PPP3CA: variants seen among roughly 807,000 people sequenced by gnomAD.
PPP3CA encodes the protein protein phosphatase 3 catalytic subunit alpha, also known as CAM-PRP catalytic subunit.
In PPP3CA, 14 loss-of-function variants were observed where a neutral mutation model predicts 66.5. The ratio of observed to expected loss-of-function variants is 0.21; its 90% CI spans 0.14 to 0.33. The LOEUF (loss-of-function observed/expected upper bound fraction) is 0.33, where lower values mean the gene tolerates loss of function less well. PPP3CA is among the 10% of genes least tolerant of loss of function. PPP3CA has a pLI of 1.00. For synonymous variants in PPP3CA, 232 were observed against 226.2 expected, an observed-to-expected ratio of 1.03 and a Z score of -0.23; for missense variants, 317 against 639.5, an observed-to-expected ratio of 0.50 and a Z score of 5.44.
At chr4:101,228,433 CT>C (rs1278739261) in intron 1 of PPP3CA, among the ~76,000 whole-genome samples, 2 of 151,518 alleles carry the variant, frequency 1.3e-5, no homozygotes, top group African/African-American at 4.8e-5. Context: ...CCATTTCAAT[CT>C]TAGACATGGA....
At chr4:101,269,222 A>T (rs1727257754) in intron 1 of PPP3CA, among the ~76,000 whole-genome samples, 1 of 152,050 alleles carries the variant, frequency 6.6e-6, no homozygotes, top group South Asian at 2.1e-4. Context: ...TTCAGACTAT[A>T]ATTCACCATA....
Position 101,316,886 on chromosome 4 carries a change from G to A in PPP3CA, c.58+29853C>T, listed in dbSNP as rs141032731. ...TTTTCTTCTGGAAGTCAGTCTTATA[G>A]TAAAGCATTTGAGAAAAACATGAAC... is the stretch of plus-strand genomic sequence containing the variant. On this transcript the variant is annotated intron_variant, in intron 1 of 13. Coordinates refer to ENST00000394854, the MANE Select transcript of PPP3CA (RefSeq NM_000944.5). Among the ~76,000 whole-genome samples, 892 of 152,240 alleles carry A rather than the reference G, an allele frequency of 5.9e-3. 6 individuals are homozygous for A. Among genetic ancestry groups the A allele is most frequent in the Non-Finnish European group, 0.011 (736 of 68,020 alleles).
chr4:101,079,379 C>CTTT (rs1016993243), intron 8 of PPP3CA, among the ~76,000 whole-genome samples: 8 of 138,538 alleles, frequency 5.8e-5, no homozygotes, highest in South Asian at 4.6e-4. Context: ...TTCCATTTCT[C>CTTT]TTTTTTTTTT....
chr4:101,172,034 C>T (rs1191960586), intron 2 of PPP3CA, among the ~76,000 whole-genome samples: 3 of 152,120 alleles, frequency 2.0e-5, no homozygotes, highest in African/African-American at 4.8e-5. Flanking sequence ...TTGTAAATGA[C>T]TTAATCCAGA....
intron 1 of PPP3CA, among the ~76,000 whole-genome samples, chr4:101,234,287 G>T (rs1726057546): frequency 6.6e-6 from 1 of 151,504 alleles, no homozygotes; most frequent in African/African-American, 2.4e-5. Context: ...TCAAACAGTA[G>T]TCCTCTTTGA....
chr4:101,080,701 G>T, intron 7 of PPP3CA, 75 bp from the exon 8 acceptor site: 1 of 890,952 alleles, frequency 1.1e-6, no homozygotes, highest in East Asian at 2.7e-5. Flanking sequence ...TTGAGAAATA[G>T]AAAATTAGAT....
At chr4:101,073,602 T>C (rs575164735) in intron 8 of PPP3CA, among the ~76,000 whole-genome samples, 9 of 152,304 alleles carry the variant, frequency 5.9e-5, no homozygotes, top group African/African-American at 2.2e-4. Context: ...TAAGAGGTTT[T>C]GTTTGTAATT....
Position 101,204,830 on chromosome 4 carries a change from A to C in PPP3CA, c.59-8714T>G, listed in dbSNP as rs539921871. Among the ~76,000 whole-genome samples, 8 of 151,768 alleles carry C rather than the reference A, an allele frequency of 5.3e-5. No homozygotes were observed. The East Asian group carries it at 1.5e-3, about 29-fold the overall frequency. ...ATTAAATGTCTTAATTTATATGTTTAAGTCAAATACTTAAAAAATTTAAAT... is the reference window on the plus strand; with the variant it reads ...ATTAAATGTCTTAATTTATATGTTTCAGTCAAATACTTAAAAAATTTAAAT... On this transcript the variant is annotated intron_variant, in intron 1 of 13. Transcript: ENST00000394854.
intron 1 of PPP3CA, among the ~76,000 whole-genome samples, chr4:101,301,682 C>A (rs1428120644): frequency 6.7e-6 from 1 of 148,846 alleles, no homozygotes; most frequent in Non-Finnish European, 1.5e-5. Flanking sequence ...TCAGTAGAGA[C>A]GGGGTTTCAC....
chr4:101,274,654 T>C (rs1054500543), intron 1 of PPP3CA, among the ~76,000 whole-genome samples: 2 of 152,190 alleles, frequency 1.3e-5, no homozygotes, highest in Admixed American at 6.5e-5. Context: ...TATTACAGCA[T>C]GAAAGTCATG....
chr4:101,290,425 T>C (rs142048620), intron 1 of PPP3CA, among the ~76,000 whole-genome samples: 2 of 152,342 alleles, frequency 1.3e-5, no homozygotes, highest in Admixed American at 6.5e-5. Flanking sequence ...ACAACACTTA[T>C]CAGTAACTGG....
At chr4:101,286,422 T>C (rs985753058) in intron 1 of PPP3CA, among the ~76,000 whole-genome samples, 6 of 152,240 alleles carry the variant, frequency 3.9e-5, no homozygotes, top group African/African-American at 1.4e-4. Context: ...TTGCATATAC[T>C]ATGGAAATGA....
chr4:101,338,631 G>T (rs537385877), intron 1 of PPP3CA, among the ~76,000 whole-genome samples: 1 of 152,320 alleles, frequency 6.6e-6, no homozygotes, highest in Admixed American at 6.5e-5. Context: ...GGTGTCCTCT[G>T]TGAGAAGGAA....
chr4:101,144,304 T>C (rs1722898596), intron 2 of PPP3CA, among the ~76,000 whole-genome samples: 2 of 152,300 alleles, frequency 1.3e-5, no homozygotes, highest in Admixed American at 6.5e-5. Context: ...AAGCTTAAAG[T>C]ACTTATCCTT....
intron 2 of PPP3CA, among the ~76,000 whole-genome samples, chr4:101,152,364 TA>T (rs1723170958): frequency 6.6e-6 from 1 of 152,230 alleles, no homozygotes; most frequent in Non-Finnish European, 1.5e-5. Context: ...TGTTTGTAAG[TA>T]AAATAATACA....
chr4:101,096,587 T>C (rs1173252735), intron 5 of PPP3CA, among the ~76,000 whole-genome samples: 1 of 152,216 alleles, frequency 6.6e-6, no homozygotes, highest in Admixed American at 6.5e-5. Context: ...AATCCCCCTT[T>C]GAAGGAGGAC....
At chr4:101,038,101 G>T (rs1480499987) in intron 11 of PPP3CA, among the ~76,000 whole-genome samples, 1 of 152,122 alleles carries the variant, frequency 6.6e-6, no homozygotes, top group Non-Finnish European at 1.5e-5. Context: ...GCATAACATG[G>T]GGCATGAACC....
intron 1 of PPP3CA, among the ~76,000 whole-genome samples, chr4:101,283,011 A>G (rs2110280124): frequency 6.6e-6 from 1 of 152,340 alleles, no homozygotes; most frequent in South Asian, 2.1e-4. Flanking sequence ...AGGTTCACAT[A>G]ATACAATTAA....
intron 1 of PPP3CA, among the ~76,000 whole-genome samples, chr4:101,289,951 C>G (rs1041963104): frequency 6.6e-6 from 1 of 151,128 alleles, no homozygotes; most frequent in Non-Finnish European, 1.5e-5. Context: ...GGCTTACATG[C>G]CCTAAGATCA....
Sources: gnomAD v4.1 joint callset for allele counts (sites outside exome capture counted in the v4.1 genomes callset) on GRCh38, gnomAD v4.1.1 for gene constraint, MANE v1.5 for transcripts, NCBI Gene and HGNC (gene_info 2026-07-23, HGNC 2026-07-21) for gene names.